PHACTR1: variants seen among roughly 807,000 people sequenced by gnomAD.
The protein encoded by PHACTR1 is RPEL repeat containing 1.
PHACTR1 carries 16 observed loss-of-function variants against 69.2 expected under a neutral mutation model. That is an observed-to-expected ratio of 0.23 (90% confidence interval 0.16 to 0.35). The LOEUF is 0.35. Among genes scored for constraint, PHACTR1 ranks in the 10% least tolerant of loss-of-function variants. The probability of loss-of-function intolerance (pLI) is 1.00; values close to 1 mark genes in which losing one functional copy is unlikely to be tolerated. For synonymous variants in PHACTR1, 312 were observed against 284.5 expected, an observed-to-expected ratio of 1.10 and a Z score of -0.97; for missense variants, 510 against 734.7, an observed-to-expected ratio of 0.69 and a Z score of 3.54.
chr6:12,977,498 C>G (rs182878569), intron 4 of PHACTR1, among the ~76,000 whole-genome samples: 1 of 152,286 alleles, frequency 6.6e-6, no homozygotes, highest in East Asian at 1.9e-4. Context: ...TTCACACACT[C>G]TCTCCCCCTA....
At chr6:12,862,212 C>T (rs1371458942) in intron 4 of PHACTR1, among the ~76,000 whole-genome samples, 1 of 152,112 alleles carries the variant, frequency 6.6e-6, no homozygotes, top group African/African-American at 2.4e-5. Flanking sequence ...CTCAATATTC[C>T]GTATGAAAAC....
intron 4 of PHACTR1, among the ~76,000 whole-genome samples, chr6:12,994,943 G>T (rs1171365363): frequency 6.6e-6 from 1 of 152,098 alleles, no homozygotes; most frequent in Non-Finnish European, 1.5e-5. Flanking sequence ...GTCTGAGTTT[G>T]TTAATCATAG....
intron 10 of PHACTR1, among the ~76,000 whole-genome samples, chr6:13,263,341 CT>C (rs1283378454): frequency 1.4e-5 from 1 of 69,160 alleles, no homozygotes; most frequent in Non-Finnish European, 3.3e-5. Flanking sequence ...ATTGTTCAGA[CT>C]GAAAAAAAAA....
At chr6:13,100,712 A>G (rs1195835909) in intron 5 of PHACTR1, among the ~76,000 whole-genome samples, 1 of 152,226 alleles carries the variant, frequency 6.6e-6, no homozygotes, top group Non-Finnish European at 1.5e-5. Flanking sequence ...TGAATTAATC[A>G]ATCAACAAGC....
chr6:13,178,158 A>G (rs16873682), intron 6 of PHACTR1, among the ~76,000 whole-genome samples: 32,853 of 152,182 alleles, frequency 0.22, 4,708 homozygotes, highest in East Asian at 0.44. Flanking sequence ...CTGCTTCTGT[A>G]ACCTGCTTCT....
At chr6:13,223,789 T>G (rs1249919882) in intron 8 of PHACTR1, among the ~76,000 whole-genome samples, 1 of 152,170 alleles carries the variant, frequency 6.6e-6, no homozygotes, top group Non-Finnish European at 1.5e-5. Flanking sequence ...GCTGGAAAGG[T>G]GAAATGCAAC....
At chr6:13,109,856 G>GTGTGTGTC (rs1554130094) in intron 5 of PHACTR1, among the ~76,000 whole-genome samples, 1,794 of 150,660 alleles carry the variant, frequency 0.012, 35 homozygotes, top group East Asian at 0.053. Context: ...GTGTGTGTGT[G>GTGTGTGTC]TGTGTGTCTG....
intron 4 of PHACTR1, among the ~76,000 whole-genome samples, chr6:12,868,953 A>G (rs1781747825): frequency 6.6e-6 from 1 of 152,142 alleles, no homozygotes; most frequent in Non-Finnish European, 1.5e-5. Context: ...TTTAGGTAAG[A>G]ATATCCTAAA....
intron 5 of PHACTR1, among the ~76,000 whole-genome samples, chr6:13,130,337 C>CA (rs1266749124): frequency 6.6e-6 from 1 of 150,986 alleles, no homozygotes; most frequent in Non-Finnish European, 1.5e-5. Context: ...GAAATTGAAA[C>CA]AAAAAAAATT....
At position 13,174,711 on chromosome 6, in the gene PHACTR1, A is replaced by G. The variant is rs59132825; in HGVS notation, c.497-7808A>G. On this transcript the variant is annotated intron_variant, in intron 6 of 14. Transcript: ENST00000332995. ...AGTAAGCCATTTTAAATTAAATCACATACATTCTCTCTCTCTCTCTCTCCC... is the reference window on the plus strand; with the variant it reads ...AGTAAGCCATTTTAAATTAAATCACGTACATTCTCTCTCTCTCTCTCTCCC... 1.7e-3 allele frequency among the ~76,000 whole-genome samples: 242 copies of G among 141,510 alleles called. 6 individuals are homozygous for G. The East Asian group carries it at 0.029, about 17-fold the overall frequency. The allele number at this position is 141,510 out of a possible 152,430, so 92.8% of individuals were successfully genotyped here.
chr6:13,058,949 G>A (rs1322396211), intron 5 of PHACTR1, among the ~76,000 whole-genome samples: 5 of 152,160 alleles, frequency 3.3e-5, no homozygotes, highest in African/African-American at 1.2e-4. Flanking sequence ...GCTGCAGACA[G>A]ACCAGTGGGA....
At chr6:13,095,754 T>C in intron 5 of PHACTR1, among the ~76,000 whole-genome samples, 1 of 97,896 alleles carries the variant, frequency 1.0e-5, no homozygotes, top group Non-Finnish European at 2.2e-5. Context: ...AAGGGCTTTT[T>C]TTTTTTTTTT....
At chr6:13,189,138 G>T (rs1444883863) in intron 7 of PHACTR1, among the ~76,000 whole-genome samples, 1 of 152,208 alleles carries the variant, frequency 6.6e-6, no homozygotes, top group East Asian at 1.9e-4. Flanking sequence ...AATCAATTTA[G>T]CTGGACTTCA....
At chr6:12,799,912 T>C (rs906260996) in intron 4 of PHACTR1, among the ~76,000 whole-genome samples, 2 of 152,232 alleles carry the variant, frequency 1.3e-5, no homozygotes, top group African/African-American at 4.8e-5. Flanking sequence ...GAACTAACGC[T>C]ATAGCATGTT....
intron 5 of PHACTR1, among the ~76,000 whole-genome samples, chr6:13,132,768 G>A (rs1477003787): frequency 6.6e-6 from 1 of 151,806 alleles, no homozygotes; most frequent in African/African-American, 2.4e-5. Flanking sequence ...GGAGGCTTCA[G>A]CAAGTCATAA....
At chr6:12,799,063 G>A (rs1329897257) in intron 4 of PHACTR1, among the ~76,000 whole-genome samples, 1 of 152,182 alleles carries the variant, frequency 6.6e-6, no homozygotes, top group Non-Finnish European at 1.5e-5. Context: ...ATGTCAAATA[G>A]TGAAAAGGCT....
intron 11 of PHACTR1, chr6:13,273,170 A>G: frequency 2.1e-6 from 1 of 467,384 alleles, no homozygotes; most frequent in Non-Finnish European, 3.8e-6. Flanking sequence ...TTGTAAAGTC[A>G]GAGAGAAGCT....
At chr6:13,153,158 G>T (rs1214773329) in intron 5 of PHACTR1, among the ~76,000 whole-genome samples, 1 of 152,218 alleles carries the variant, frequency 6.6e-6, no homozygotes, top group Non-Finnish European at 1.5e-5. Flanking sequence ...TCCATCCAGG[G>T]TCGGCAAGGC....
intron 4 of PHACTR1, among the ~76,000 whole-genome samples, chr6:12,821,529 C>G (rs1485807659): frequency 6.7e-6 from 1 of 148,772 alleles, no homozygotes; most frequent in Non-Finnish European, 1.5e-5. Flanking sequence ...GAGTGTGGCT[C>G]AGGTCCTAAA....
Sources: gnomAD v4.1 joint callset for allele counts (sites outside exome capture counted in the v4.1 genomes callset) on GRCh38, gnomAD v4.1.1 for gene constraint, MANE v1.5 for transcripts, NCBI Gene and HGNC (gene_info 2026-07-23, HGNC 2026-07-21) for gene names.